Variants in N4BP2 observed in about 807,000 individuals in gnomAD.
The protein encoded by N4BP2 is NEDD4 binding protein 2.
N4BP2 carries 91 observed loss-of-function variants against 152.8 expected under a neutral mutation model. The observed-to-expected ratio is 0.60, with a 90% CI of 0.50 to 0.71. The LOEUF is 0.71. Ranked by LOEUF, N4BP2 falls within the 30% of genes least tolerant of loss-of-function variation. N4BP2 has a pLI of 0.00. For missense variants in N4BP2, 1,923 were observed against 2,059.1 expected (o/e 0.93, Z 1.28); for synonymous variants, 646 against 705.3 (o/e 0.92, Z 1.33).
chr4:40,073,682 C>G (rs573769449), intron 2 of N4BP2, 131 bp downstream of exon 2: 1 of 152,142 alleles, frequency 6.6e-6, no homozygotes, highest in East Asian at 1.9e-4. Flanking sequence ...CAGCCTCAAA[C>G]TGCTAGGCTC....
chr4:40,105,070 G>C (rs1351301744), intron 4 of N4BP2, among the ~76,000 whole-genome samples: 1 of 152,134 alleles, frequency 6.6e-6, no homozygotes, highest in Non-Finnish European at 1.5e-5. Flanking sequence ...CCAAAGTGCT[G>C]GGATTACAGG....
chr4:40,185,461 A>G, the N4BP2 span, among the ~76,000 whole-genome samples: 1 of 152,192 alleles, frequency 6.6e-6, no homozygotes, highest in Non-Finnish European at 1.5e-5. Context: ...TCATTATTGT[A>G]TATTTAGAAG....
chr4:40,062,338 C>G (rs551317921), intron 1 of N4BP2, among the ~76,000 whole-genome samples: 1 of 152,144 alleles, frequency 6.6e-6, no homozygotes, highest in South Asian at 2.1e-4. Flanking sequence ...TTTAATATCT[C>G]TTGAATCTGT....
chr4:40,086,447 C>T (rs1015972068), intron 2 of N4BP2, among the ~76,000 whole-genome samples: 3 of 151,920 alleles, frequency 2.0e-5, no homozygotes, highest in African/African-American at 7.3e-5. Flanking sequence ...AATTGATTCT[C>T]CTGCCTCAGC....
chr4:40,151,472 G>C (rs150139629), intron 16 of N4BP2, among the ~76,000 whole-genome samples: 2 of 151,748 alleles, frequency 1.3e-5, no homozygotes, highest in Non-Finnish European at 2.9e-5. Context: ...GGGTTTTGCC[G>C]TGTTGCCCAG....
At chr4:40,108,374 G>A (rs569640410) in intron 5 of N4BP2, among the ~76,000 whole-genome samples, 21 of 151,964 alleles carry the variant, frequency 1.4e-4, no homozygotes, top group South Asian at 4.1e-4. Flanking sequence ...GCGCAGTGGC[G>A]TGATCTCGGC....
rs555457361 is a variant in N4BP2 at position 40,121,263 on chromosome 4, C to T, written c.3152C>T (p.Pro1051Leu). ...VLTGRLDGFK[P>L]KVFNINTKSD... is the part of the protein sequence containing the mutation. Reference sequence around the variant, plus strand: ...ACAGGAAGATTAGATGGATTTAAGCCGAAAGTTTTCAATATTAACACAAAA... The same window carrying T: ...ACAGGAAGATTAGATGGATTTAAGCTGAAAGTTTTCAATATTAACACAAAA... The change falls in exon 9 of 18, where the codon CCG becomes CTG. Residue 1051 changes from proline (P) to leucine (L), a missense_variant. Pro to Leu is a moderately conservative substitution (Grantham distance 98). Transcript: ENST00000261435. 1.4e-5 allele frequency: 23 copies of T among 1,612,884 alleles called. No homozygotes were observed. Among genetic ancestry groups the T allele is most frequent in the Middle Eastern group, 1.6e-4 (1 of 6,070 alleles).
At chr4:40,065,747 G>A (rs1323423330) in intron 1 of N4BP2, among the ~76,000 whole-genome samples, 1 of 152,112 alleles carries the variant, frequency 6.6e-6, no homozygotes, top group African/African-American at 2.4e-5. Flanking sequence ...TTCCAATGCA[G>A]GGATTTGAAT....
rs1351540523 is a variant in N4BP2, at chr4:40,155,336, G to T, written c.*1099G>T. ...AAACCTGGGAGGTGGAGGTTGCAGT[G>T]ACCCGAGATCGAGATCACACCACTG... is the stretch of plus-strand genomic sequence containing the variant. On this transcript the variant is annotated 3_prime_UTR_variant, in exon 18 of 18. Transcript: ENST00000261435. The T allele has an allele frequency of 6.6e-6, 1 of 151,162 alleles. No homozygotes were observed. Among genetic ancestry groups the T allele is most frequent in the African/African-American group, 2.4e-5 (1 of 40,984 alleles). The allele number at this position is 151,162 out of a possible 1,614,324, so 9.4% of individuals were successfully genotyped here. A position where few individuals can be genotyped will look rare whatever the true frequency, so the allele number is the denominator to read the frequency against.
the N4BP2 span, chr4:40,167,115 C>A: frequency 6.6e-6 from 1 of 152,100 alleles, no homozygotes; most frequent in African/African-American, 2.4e-5. Flanking sequence ...AGATAATTGA[C>A]CTGGTGTTTG....
At chr4:40,146,947 T>TC (rs1720589541) in intron 16 of N4BP2, among the ~76,000 whole-genome samples, 1 of 148,860 alleles carries the variant, frequency 6.7e-6, no homozygotes, top group African/African-American at 2.5e-5. Flanking sequence ...CATTCTTGGG[T>TC]GTTTCTCGCA....
intron 17 of N4BP2, among the ~76,000 whole-genome samples, chr4:40,153,821 T>C (rs1721368801): frequency 6.6e-6 from 1 of 152,190 alleles, no homozygotes; most frequent in Non-Finnish European, 1.5e-5. Flanking sequence ...AAGCATTGCA[T>C]GGCCAGATTA....
At chr4:40,104,807 CTTT>C (rs397976537) in intron 4 of N4BP2, among the ~76,000 whole-genome samples, 1 of 142,522 alleles carries the variant, frequency 7.0e-6, no homozygotes, top group Non-Finnish European at 1.5e-5. Flanking sequence ...CCTGCGTTGT[CTTT>C]TTTTTTTTTT....
chr4:40,142,364 AT>A, intron 14 of N4BP2: 1 of 307,754 alleles, frequency 3.2e-6, no homozygotes, highest in Non-Finnish European at 6.3e-6. Flanking sequence ...TTTTACCTCC[AT>A]TTTGAGACTG....
At chr4:40,109,527 G>C (rs1197839465) in intron 5 of N4BP2, among the ~76,000 whole-genome samples, 2 of 152,030 alleles carry the variant, frequency 1.3e-5, no homozygotes. Flanking sequence ...AGACCACCCT[G>C]GCTAACATGG....
intron 2 of N4BP2, among the ~76,000 whole-genome samples, chr4:40,086,620 C>G (rs1373943091): frequency 6.6e-6 from 1 of 151,610 alleles, no homozygotes; most frequent in Non-Finnish European, 1.5e-5. Context: ...CAGGCATAAG[C>G]CACCGGGCCC....
At chr4:40,084,616 A>G (rs1029672267) in intron 2 of N4BP2, among the ~76,000 whole-genome samples, 20 of 135,678 alleles carry the variant, frequency 1.5e-4, no homozygotes, top group Middle Eastern at 3.7e-3. Flanking sequence ...TTGTGTGTGT[A>G]TATATATATA....
At chr4:40,106,120 A>G (rs1716255918) in intron 4 of N4BP2, among the ~76,000 whole-genome samples, 1 of 152,198 alleles carries the variant, frequency 6.6e-6, no homozygotes, top group South Asian at 2.1e-4. Context: ...AAATTTGTTA[A>G]TCTTCTAACC....
At chr4:40,091,810 T>A (rs189245228) in intron 2 of N4BP2, among the ~76,000 whole-genome samples, 21 of 147,858 alleles carry the variant, frequency 1.4e-4, no homozygotes, top group African/African-American at 5.2e-4. Flanking sequence ...GGTCTCACTG[T>A]GTTGCCCAGG....
Sources: gnomAD v4.1 joint callset for allele counts (sites outside exome capture counted in the v4.1 genomes callset) on GRCh38, gnomAD v4.1.1 for gene constraint, MANE v1.5 for transcripts, NCBI Gene and HGNC (gene_info 2026-07-23, HGNC 2026-07-21) for gene names.